FGF12: variants seen among roughly 807,000 people sequenced by gnomAD.
The protein encoded by FGF12 is fibroblast growth factor 12B.
A neutral mutation model predicts 23.6 loss-of-function variants in FGF12; 14 were observed. The ratio of observed to expected loss-of-function variants is 0.59; its 90% CI spans 0.39 to 0.93. FGF12 has a LOEUF of 0.93. FGF12 is among the 40% of genes least tolerant of loss of function. The pLI, the probability that FGF12 is intolerant of heterozygous loss-of-function variation, is 0.00. For synonymous variants in FGF12, 62 were observed against 77.3 expected, an observed-to-expected ratio of 0.80 and a Z score of 1.04; for missense variants, 175 against 217.8, an observed-to-expected ratio of 0.80 and a Z score of 1.24.
intron 2 of FGF12, among the ~76,000 whole-genome samples, chr3:192,535,585 G>C (rs1167455156): frequency 6.6e-6 from 1 of 152,168 alleles, no homozygotes; most frequent in Non-Finnish European, 1.5e-5. Flanking sequence ...AAATGGCCAA[G>C]AGACTTTTTC....
chr3:192,547,683 C>T (rs976132321), intron 2 of FGF12, among the ~76,000 whole-genome samples: 9 of 152,174 alleles, frequency 5.9e-5, no homozygotes, highest in Admixed American at 2.6e-4. Context: ...CAACAGGAAG[C>T]GTTCTCCAAC....
At chr3:192,499,842 C>G (rs1394925029) in intron 2 of FGF12, among the ~76,000 whole-genome samples, 1 of 151,876 alleles carries the variant, frequency 6.6e-6, no homozygotes, top group African/African-American at 2.4e-5. Context: ...GCCACCGTGC[C>G]CGGCCTGCTA....
chr3:192,458,889 G>A (rs777482589), intron 2 of FGF12, among the ~76,000 whole-genome samples: 24 of 152,168 alleles, frequency 1.6e-4, no homozygotes, highest in African/African-American at 4.8e-5. Flanking sequence ...GAGGGATCCA[G>A]TGGGAGATAA....
intron 3 of FGF12, among the ~76,000 whole-genome samples, chr3:192,343,991 A>G (rs921419480): frequency 6.8e-6 from 1 of 147,814 alleles, no homozygotes; most frequent in Non-Finnish European, 1.5e-5. Context: ...GACTCCAAGT[A>G]ATTTAATGAG....
intron 5 of FGF12, among the ~76,000 whole-genome samples, chr3:192,148,255 C>G (rs1336517912): frequency 6.6e-6 from 1 of 152,164 alleles, no homozygotes; most frequent in Non-Finnish European, 1.5e-5. Flanking sequence ...GTGGCCTATA[C>G]ATATAATGAA....
At chr3:192,596,413 C>T (rs1274113429) in intron 2 of FGF12, among the ~76,000 whole-genome samples, 2 of 152,036 alleles carry the variant, frequency 1.3e-5, no homozygotes, top group Non-Finnish European at 2.9e-5. Flanking sequence ...TACAATGATA[C>T]ATTTCTATGT....
intron 2 of FGF12, among the ~76,000 whole-genome samples, chr3:192,590,174 C>G (rs1193058336): frequency 6.6e-6 from 1 of 151,784 alleles, no homozygotes; most frequent in African/African-American, 2.4e-5. Context: ...CAAATTCATG[C>G]ATTAATGAGT....
chr3:192,165,656 G>A (rs1266829516), intron 5 of FGF12, among the ~76,000 whole-genome samples: 1 of 151,974 alleles, frequency 6.6e-6, no homozygotes, highest in Non-Finnish European at 1.5e-5. Flanking sequence ...TTACCAATGT[G>A]TTTCTCATCA....
At chr3:192,296,002 C>G (rs1210896109) in intron 4 of FGF12, among the ~76,000 whole-genome samples, 1 of 151,538 alleles carries the variant, frequency 6.6e-6, no homozygotes, top group African/African-American at 2.4e-5. Context: ...CCACCTCAGC[C>G]TCCCAAGTAG....
intron 4 of FGF12, among the ~76,000 whole-genome samples, chr3:192,206,527 A>C (rs1224072038): frequency 3.3e-5 from 5 of 152,256 alleles, no homozygotes. Context: ...GCTCAATTAC[A>C]AAAGAAATAT....
chr3:192,241,633 G>T (rs969788990), intron 4 of FGF12, among the ~76,000 whole-genome samples: 32 of 151,980 alleles, frequency 2.1e-4, no homozygotes, highest in African/African-American at 7.2e-4. Flanking sequence ...CTCCAAAGTA[G>T]GTAAAAAGGA....
chr3:192,365,970 C>T (rs1181825920), intron 2 of FGF12, among the ~76,000 whole-genome samples: 1 of 91,314 alleles, frequency 1.1e-5, no homozygotes, highest in Non-Finnish European at 1.9e-5. Context: ...TCATTAGCTT[C>T]AAAGGTAAAA....
chr3:192,510,364 G>C (rs1298629948), intron 2 of FGF12, among the ~76,000 whole-genome samples: 1 of 152,124 alleles, frequency 6.6e-6, no homozygotes, highest in Non-Finnish European at 1.5e-5. Context: ...GGCAAGCAAG[G>C]ATATGAAAAG....
intron 4 of FGF12, among the ~76,000 whole-genome samples, chr3:192,173,816 G>A (rs1353180722): frequency 6.6e-6 from 1 of 152,174 alleles, no homozygotes; most frequent in Non-Finnish European, 1.5e-5. Flanking sequence ...TGTAGATGGT[G>A]ATAAAACCTT....
intron 2 of FGF12, among the ~76,000 whole-genome samples, chr3:192,488,079 A>C (rs955117299): frequency 2.0e-5 from 3 of 152,076 alleles, no homozygotes; most frequent in Admixed American, 1.3e-4. Flanking sequence ...TTCTTCTCCA[A>C]ACAACACCAG....
At position 192,191,275 on chromosome 3, in the gene FGF12, C is replaced by T. The variant is rs78969474; in HGVS notation, c.229-20619G>A. On this transcript the variant is annotated intron_variant, in intron 4 of 5. Transcript: ENST00000445105. ...GAAAATTTTTAGGGCAGTGAAGCTA[C>T]TCTGTGTGATACTATAATGGCTGAT... Among the ~76,000 whole-genome samples, 427 of 152,300 alleles carry T rather than the reference C, an allele frequency of 2.8e-3. 3 individuals carry two copies. Among genetic ancestry groups the T allele is most frequent in the African/African-American group, 9.3e-3 (387 of 41,564 alleles).
intron 2 of FGF12, among the ~76,000 whole-genome samples, chr3:192,709,018 C>T (rs1718578620): frequency 6.6e-6 from 1 of 152,172 alleles, no homozygotes; most frequent in African/African-American, 2.4e-5. Flanking sequence ...GAATACATTA[C>T]ATTCTTAAGT....
intron 2 of FGF12, among the ~76,000 whole-genome samples, chr3:192,414,182 A>T (rs953449371): frequency 6.6e-6 from 1 of 152,206 alleles, no homozygotes. Context: ...GATAAGAAAC[A>T]TAGATGTAAT....
chr3:192,461,083 A>G (rs1722849175), intron 2 of FGF12, among the ~76,000 whole-genome samples: 1 of 152,210 alleles, frequency 6.6e-6, no homozygotes. Flanking sequence ...AACCTATATA[A>G]CATACAGGAC....
Sources: gnomAD v4.1 joint callset for allele counts (sites outside exome capture counted in the v4.1 genomes callset) on GRCh38, gnomAD v4.1.1 for gene constraint, MANE v1.5 for transcripts, NCBI Gene and HGNC (gene_info 2026-07-23, HGNC 2026-07-21) for gene names.